The following NKAIN3 variants were observed in gnomAD, a reference collection of about 807,000 sequenced individuals.
The protein encoded by NKAIN3 is sodium/potassium transporting ATPase interacting 3, also known as sodium/potassium-transporting ATPase subunit beta-1-interacting protein 3.
A neutral mutation model predicts 30.2 loss-of-function variants in NKAIN3; 25 were observed. The ratio of observed to expected loss-of-function variants is 0.83; its 90% CI spans 0.60 to 1.16. The LOEUF (loss-of-function observed/expected upper bound fraction) is 1.16, where lower values mean the gene tolerates loss of function less well. NKAIN3 is among the 50% of genes most tolerant of loss of function. The pLI, the probability that NKAIN3 is intolerant of heterozygous loss-of-function variation, is 0.00. For missense variants in NKAIN3, 225 were observed against 254.1 expected (o/e 0.89, Z 0.78); for synonymous variants, 91 against 89.6 (o/e 1.02, Z -0.09).
chr8:62,883,457 G>GTTGTTGTTGTTTTTTTTTTTTT, intron 4 of NKAIN3, among the ~76,000 whole-genome samples: 7 of 70,230 alleles, frequency 1.0e-4, no homozygotes, highest in South Asian at 6.2e-4. Context: ...AGTTTTATGG[G>GTTGTTGTTGTTTTTTTTTTTTT]TTTTTTTTTT....
intron 1 of NKAIN3, among the ~76,000 whole-genome samples, chr8:62,360,246 TG>T (rs1816508924): frequency 6.6e-6 from 1 of 152,228 alleles, no homozygotes; most frequent in Admixed American, 6.5e-5. Flanking sequence ...GTGGATGGGC[TG>T]GTTACTGATT....
chr8:62,290,035 T>A (rs1026206586), intron 1 of NKAIN3, among the ~76,000 whole-genome samples: 8 of 152,154 alleles, frequency 5.3e-5, no homozygotes, highest in African/African-American at 1.9e-4. Context: ...ATGATTTGGC[T>A]CTCTGTTTGT....
chr8:62,702,920 G>A (rs765738874), intron 3 of NKAIN3, among the ~76,000 whole-genome samples: 2 of 152,096 alleles, frequency 1.3e-5, no homozygotes, highest in African/African-American at 4.8e-5. Context: ...TGTCAATGAA[G>A]CCATATAATA....
chr8:62,291,552 G>A (rs890539134), intron 1 of NKAIN3, among the ~76,000 whole-genome samples: 10 of 152,216 alleles, frequency 6.6e-5, no homozygotes, highest in African/African-American at 1.9e-4. Flanking sequence ...GATGTTTTGA[G>A]TGAATTTCTT....
At chr8:62,312,798 CT>C (rs1285627836) in intron 1 of NKAIN3, among the ~76,000 whole-genome samples, 1 of 146,358 alleles carries the variant, frequency 6.8e-6, no homozygotes, top group Non-Finnish European at 1.5e-5. Context: ...AGCCTGAAGC[CT>C]GGGTGACAGA....
At chr8:62,264,779 C>T (rs1812555092) in intron 1 of NKAIN3, among the ~76,000 whole-genome samples, 1 of 152,314 alleles carries the variant, frequency 6.6e-6, no homozygotes, top group East Asian at 1.9e-4. Flanking sequence ...ATCTGTCCAG[C>T]TGTCCATTGT....
At chr8:62,455,296 A>C (rs1181234666) in intron 1 of NKAIN3, among the ~76,000 whole-genome samples, 1 of 152,226 alleles carries the variant, frequency 6.6e-6, no homozygotes, top group Non-Finnish European at 1.5e-5. Context: ...GATTGGATAA[A>C]GAAAGTGCGG....
At chr8:62,890,088 T>C (rs1007726044) in intron 4 of NKAIN3, among the ~76,000 whole-genome samples, 5 of 152,190 alleles carry the variant, frequency 3.3e-5, no homozygotes, top group Admixed American at 1.3e-4. Context: ...TTTAGTTGAA[T>C]AGGTGATAGT....
At chr8:62,574,260 A>G (rs1261667202) in intron 1 of NKAIN3, among the ~76,000 whole-genome samples, 3 of 152,130 alleles carry the variant, frequency 2.0e-5, no homozygotes, top group East Asian at 1.9e-4. Flanking sequence ...CATTGTGTAT[A>G]TGTGCCACAT....
intron 4 of NKAIN3, among the ~76,000 whole-genome samples, chr8:62,800,335 G>C (rs1818014461): frequency 6.6e-6 from 1 of 152,182 alleles, no homozygotes; most frequent in South Asian, 2.1e-4. Flanking sequence ...GTTCATGCAA[G>C]ACCCTCTGCA....
chr8:62,547,185 T>C (rs1475415360), intron 1 of NKAIN3, among the ~76,000 whole-genome samples: 2 of 152,210 alleles, frequency 1.3e-5, no homozygotes, highest in Non-Finnish European at 2.9e-5. Flanking sequence ...TCTAGTGATC[T>C]GTATTTTATG....
At chr8:62,562,339 C>G (rs530258369) in intron 1 of NKAIN3, among the ~76,000 whole-genome samples, 115 of 152,142 alleles carry the variant, frequency 7.6e-4, no homozygotes, top group African/African-American at 2.5e-3. Flanking sequence ...TAAAAACACC[C>G]ACATAAAGTT....
intron 4 of NKAIN3, among the ~76,000 whole-genome samples, chr8:62,785,612 T>C (rs1220683541): frequency 6.6e-6 from 1 of 152,096 alleles, no homozygotes; most frequent in African/African-American, 2.4e-5. Flanking sequence ...ATAAAACTGG[T>C]TTTAAAAAGT....
intron 1 of NKAIN3, among the ~76,000 whole-genome samples, chr8:62,526,618 G>A (rs941948016): frequency 1.3e-5 from 2 of 152,068 alleles, no homozygotes; most frequent in African/African-American, 4.8e-5. Context: ...TCAGAAGAAA[G>A]CTGAAAATCT....
chr8:62,345,516 CATATATGT>C lies in NKAIN3; in HGVS notation c.54+96396_54+96403del, dbSNP rs1220554716. Among the ~76,000 whole-genome samples, 18 of 117,462 alleles carry C rather than the reference CATATATGT, an allele frequency of 1.5e-4. 1 individual carries two copies. Among genetic ancestry groups the C allele is most frequent in the Non-Finnish European group, 2.3e-4 (13 of 57,484 alleles). 77.1% of individuals were successfully genotyped at this position (117,462 alleles called of 152,430 possible). Reference sequence around the variant, plus strand: ...ACACACATATATACACATATATACACATATATGTATATATACACACATATATACACATA... The same window carrying C: ...ACACACATATATACACATATATACACATATATACACACATATATACACATA... On this transcript the variant is annotated intron_variant, in intron 1 of 6. Coordinates refer to ENST00000623646, the MANE Select transcript of NKAIN3 (RefSeq NM_001304533.3).
At chr8:62,841,865 T>G (rs1481854043) in intron 4 of NKAIN3, among the ~76,000 whole-genome samples, 1 of 152,092 alleles carries the variant, frequency 6.6e-6, no homozygotes, top group Non-Finnish European at 1.5e-5. Flanking sequence ...CTATTTTTAG[T>G]TTTTGGAGGA....
chr8:62,889,505 G>T (rs988227627), intron 4 of NKAIN3, among the ~76,000 whole-genome samples: 1 of 152,158 alleles, frequency 6.6e-6, no homozygotes, highest in Non-Finnish European at 1.5e-5. Flanking sequence ...GTAAATAGTA[G>T]ATTCTCCCAA....
At chr8:62,646,846 A>G (rs1225373398) in intron 3 of NKAIN3, among the ~76,000 whole-genome samples, 2 of 152,174 alleles carry the variant, frequency 1.3e-5, no homozygotes, top group Admixed American at 1.3e-4. Context: ...GGCCAATCAC[A>G]AAATAAAAAC....
chr8:62,291,306 T>C (rs949171564), intron 1 of NKAIN3, among the ~76,000 whole-genome samples: 2 of 152,228 alleles, frequency 1.3e-5, no homozygotes, highest in Non-Finnish European at 2.9e-5. Context: ...CTCTTGCTTC[T>C]CTAGTTCTTT....
Sources: allele counts gnomAD v4.1 joint callset (sites outside exome capture counted in the v4.1 genomes callset), GRCh38; gene constraint gnomAD v4.1.1; transcripts MANE v1.5; gene names NCBI Gene and HGNC (gene_info 2026-07-23, HGNC 2026-07-21).